The following NAP1L1 variants were observed in gnomAD, a reference collection of about 807,000 sequenced individuals.
The protein encoded by NAP1L1 is nucleosome assembly protein 1 like 1, also known as nucleosome assembly protein 1-like 1.
In NAP1L1, 9 loss-of-function variants were observed where a neutral mutation model predicts 58.9. The ratio of observed to expected loss-of-function variants is 0.15; its 90% CI spans 0.09 to 0.27. NAP1L1 has a LOEUF of 0.27. Among genes scored for constraint, NAP1L1 ranks in the 10% least tolerant of loss-of-function variants. The pLI is 1.00. For missense variants in NAP1L1, 302 were observed against 458.8 expected (o/e 0.66, Z 3.12); for synonymous variants, 130 against 138.3 (o/e 0.94, Z 0.42).
rs1948734414 is a variant in NAP1L1 at position 76,049,744 on chromosome 12, G to A, written c.1089+12C>T. On this transcript the variant is annotated intron_variant, in intron 13 of 14. Coordinates refer to ENST00000618691, the MANE Select transcript of NAP1L1 (RefSeq NM_004537.7). ...ACCACAGAGAATTATTTGCTCATTT[G>A]GTAAACATTACCTCATCCGCTTCTT... The A allele has an allele frequency of 1.2e-6, 2 of 1,612,240 alleles. No individual in the cohort carries two copies. Among genetic ancestry groups the A allele is most frequent in the African/African-American group, 2.7e-5 (2 of 74,800 alleles).
At chr12:76,053,551 G>A (rs901561599) in intron 9 of NAP1L1, among the ~76,000 whole-genome samples, 1 of 152,076 alleles carries the variant, frequency 6.6e-6, no homozygotes, top group Non-Finnish European at 1.5e-5. Flanking sequence ...CAAACACATA[G>A]TATAATTTAA....
chr12:76,061,005 A>T, intron 4 of NAP1L1: 1 of 436,316 alleles, frequency 2.3e-6, no homozygotes. Context: ...AGATGAGAGC[A>T]TCACCTGAGC....
chr12:76,061,081 T>TGAGA, intron 4 of NAP1L1: 1 of 426,756 alleles, frequency 2.3e-6, no homozygotes, highest in Non-Finnish European at 4.7e-6. Context: ...GCTGACAGAA[T>TGAGA]GAGACCCTGT....
intron 11 of NAP1L1, among the ~76,000 whole-genome samples, chr12:76,052,056 A>G (rs781517117): frequency 6.6e-6 from 1 of 152,006 alleles, no homozygotes; most frequent in Non-Finnish European, 1.5e-5. Context: ...TCCCACTTCT[A>G]TGATACTAAA....
Position 76,041,854 on chromosome 12 carries a change from GAAT to G in NAP1L1, c.*6572_*6574del, listed in dbSNP as rs1273493527. The G allele has an allele frequency of 3.3e-5, 5 of 152,182 alleles. No individual in the cohort carries two copies. Among genetic ancestry groups the G allele is most frequent in the Non-Finnish European group, 5.9e-5 (4 of 68,038 alleles). 9.4% of individuals were successfully genotyped at this position (152,182 alleles called of 1,614,324 possible). The stretch of plus-strand genomic sequence containing the variant: ...TGTTGGGAGATAGAAGGGATAACCT[GAAT>G]AATGACAATTTGGGTATTCTGAAGC... On this transcript the variant is annotated 3_prime_UTR_variant, in exon 15 of 15. Coordinates refer to ENST00000618691, the MANE Select transcript of NAP1L1 (RefSeq NM_004537.7).
intron 1 of NAP1L1, chr12:76,083,800 T>C (rs998083926): frequency 6.6e-6 from 1 of 152,032 alleles, no homozygotes; most frequent in African/African-American, 2.4e-5. Context: ...CAGGGAAGAG[T>C]TTGAAACCCA....
rs916503654 is a variant in NAP1L1, at chr12:76,044,910, T to C, written c.*3519A>G. The C allele has an allele frequency of 3.3e-5, 5 of 152,328 alleles. No homozygotes were observed. The East Asian group carries it at 5.8e-4, about 18-fold the overall frequency. 9.4% of individuals were successfully genotyped at this position (152,328 alleles called of 1,614,324 possible). ...AGAACTTGGCTTTTTATCCAGGTTATATTTTAATATCTGGAGTTTTAATCC... is the reference window on the plus strand; with the variant it reads ...AGAACTTGGCTTTTTATCCAGGTTACATTTTAATATCTGGAGTTTTAATCC... On this transcript the variant is annotated 3_prime_UTR_variant, in exon 15 of 15. Coordinates refer to ENST00000618691, the MANE Select transcript of NAP1L1 (RefSeq NM_004537.7).
At chr12:76,076,556 ATATATAT>A (rs2137096568) in intron 1 of NAP1L1, among the ~76,000 whole-genome samples, 1 of 7,468 alleles carries the variant, frequency 1.3e-4, no homozygotes, top group Non-Finnish European at 3.2e-4. Context: ...GGAAATATAT[ATATATAT>A]ATATATATAT....
Position 76,053,227 on chromosome 12 carries a change from A to G in NAP1L1, c.894T>C (p.Phe298=), listed in dbSNP as rs184274025. ...VTKTVSNDSF[F]NFFAPPEVPE... Reference sequence around the variant, plus strand: ...TACCTTCAGGAGGGGCAAAAAAGTTAAAGAAAGAGTCATTGGAAACTGTTT... The same window carrying G: ...TACCTTCAGGAGGGGCAAAAAAGTTGAAGAAAGAGTCATTGGAAACTGTTT... The change falls in exon 10 of 15, where the codon TTT becomes TTC. Residue 298 remains phenylalanine (F), a synonymous_variant. Transcript: ENST00000618691. The G allele has an allele frequency of 1.2e-6, 2 of 1,613,974 alleles. No individual in the cohort carries two copies. The highest frequency in any genetic ancestry group is 8.5e-7 in the Non-Finnish European group (1 of 1,179,932).
At position 76,049,243 on chromosome 12, in the gene NAP1L1, T is replaced by A; in HGVS notation, c.1097A>T (p.Glu366Val). 3 of 1,613,556 alleles carry A rather than the reference T, an allele frequency of 1.9e-6. No individual in the cohort carries two copies. The highest frequency in any genetic ancestry group is 2.5e-6 in the Non-Finnish European group (3 of 1,179,742). ...ATCATTTTCCTCATCTCCTTCTTCT[T>A]CCCCTTCCTATATTAAAGTTCAAAA... ...EEGEEADEEGEEEGDEENDPD... is the reference protein window; with the variant it reads ...EEGEEADEEGVEEGDEENDPD... The change falls in exon 14 of 15, where the codon GAA (glutamate) becomes GTA (valine). Residue 366 changes from glutamate (E) to valine (V), a missense_variant. Physicochemically the swap from Glu to Val is moderately radical, Grantham distance 121. Transcript: ENST00000618691.
chr12:76,062,621 T>C (rs1420087882), intron 4 of NAP1L1, among the ~76,000 whole-genome samples: 2 of 151,966 alleles, frequency 1.3e-5, no homozygotes, highest in Non-Finnish European at 2.9e-5. Context: ...ATAACTAAAA[T>C]AGGCAACAAA....
intron 4 of NAP1L1, among the ~76,000 whole-genome samples, chr12:76,060,736 TAGTA>T (rs1949368586): frequency 6.6e-6 from 1 of 152,208 alleles, no homozygotes; most frequent in Admixed American, 6.5e-5. Flanking sequence ...AATTAGGAAT[TAGTA>T]ATTACATTAT....
intron 1 of NAP1L1, among the ~76,000 whole-genome samples, chr12:76,082,389 G>A (rs1950441757): frequency 6.6e-6 from 1 of 152,168 alleles, no homozygotes; most frequent in Non-Finnish European, 1.5e-5. Context: ...TAAAGGCCAA[G>A]TGCAGTAATT....
At chr12:76,058,194 C>CATATATATATATATATATATAT (rs3082540) in intron 6 of NAP1L1, 7 of 350,050 alleles carry the variant, frequency 2.0e-5, no homozygotes, top group African/African-American at 1.9e-4. Flanking sequence ...GAGAGGCCTA[C>CATATATATATATATATATATAT]ATATATATAT....
chr12:76,073,290 AT>A (rs1950043302), intron 2 of NAP1L1, among the ~76,000 whole-genome samples: 3 of 152,058 alleles, frequency 2.0e-5, no homozygotes, highest in Non-Finnish European at 4.4e-5. Context: ...GCTATGGAAA[AT>A]AATTTAGCAT....
At chr12:76,072,088 T>A (rs553128157) in intron 2 of NAP1L1, among the ~76,000 whole-genome samples, 32 of 151,532 alleles carry the variant, frequency 2.1e-4, no homozygotes, top group African/African-American at 7.5e-4. Context: ...TCAATTTTCT[T>A]TTTTAAACAT....
Position 76,053,841 on chromosome 12 carries a change from G to A in NAP1L1, c.699C>T (p.Tyr233=), listed in dbSNP as rs374479663. The stretch of plus-strand genomic sequence containing the variant: ...AATCATCTGGTTCTGACCTCATCCT[G>A]TATGTCTTTGTCAGCACTTCATTTG... ...YFTNEVLTKT[Y]RMRSEPDDSD... is the part of the protein sequence containing the mutation. The change falls in exon 9 of 15, where the codon TAC becomes TAT. Residue 233 remains tyrosine (Y), a synonymous_variant. Transcript: ENST00000618691. 19 of 1,596,178 alleles carry A rather than the reference G, an allele frequency of 1.2e-5. No homozygotes were observed. Among genetic ancestry groups the A allele is most frequent in the Middle Eastern group, 1.7e-4 (1 of 5,994 alleles).
chr12:76,043,285 T>C lies in NAP1L1; in HGVS notation c.*5144A>G, dbSNP rs1447154830. On this transcript the variant is annotated 3_prime_UTR_variant, in exon 15 of 15. Coordinates refer to ENST00000618691, the MANE Select transcript of NAP1L1 (RefSeq NM_004537.7). The stretch of plus-strand genomic sequence containing the variant: ...GGCTAACGTCTGTAATCCCAGCACT[T>C]TGGGAGACCAAGATGGGTGGATTAC... The C allele has an allele frequency of 6.6e-6, 1 of 152,106 alleles. No individual in the cohort carries two copies. Among genetic ancestry groups the C allele is most frequent in the Non-Finnish European group, 1.5e-5 (1 of 68,028 alleles). The allele number at this position is 152,106 out of a possible 1,614,324, so 9.4% of individuals were successfully genotyped here.
intron 4 of NAP1L1, among the ~76,000 whole-genome samples, chr12:76,066,512 G>A (rs1238276790): frequency 1.3e-5 from 2 of 151,582 alleles, no homozygotes; most frequent in African/African-American, 2.4e-5. Flanking sequence ...GTGGAAAAAG[G>A]GTACCAATGG....
Sources: gnomAD v4.1 joint callset for allele counts (sites outside exome capture counted in the v4.1 genomes callset) on GRCh38, gnomAD v4.1.1 for gene constraint, MANE v1.5 for transcripts, NCBI Gene and HGNC (gene_info 2026-07-23, HGNC 2026-07-21) for gene names.